The following LBX2 variants were observed in gnomAD, a reference collection of about 807,000 sequenced individuals.
LBX2 encodes transcription factor LBX2.
A neutral mutation model predicts 7.5 loss-of-function variants in LBX2; 6 were observed. That is an observed-to-expected ratio of 0.80 (90% CI 0.44 to 1.59). The LOEUF is 1.59. LBX2 is among the 40% of genes most tolerant of loss of function. The pLI, the probability that LBX2 is intolerant of heterozygous loss-of-function variation, is 0.01. For missense variants in LBX2, 281 were observed against 282.0 expected (o/e 1.00, Z 0.03); for synonymous variants, 143 against 133.2 (o/e 1.07, Z -0.51).
chr2:74,498,220 G>T lies in LBX2; in HGVS notation c.304C>A (p.Arg102=), dbSNP rs1186658151. ...AGGTACTTCTGGAAGACGAAGCGCC[G>T]CTCCAGCTCCAGCACCTGTTGCGCG... ...FTAQQVLELE[R]RFVFQKYLAP... Residue 102 remains arginine (R), a synonymous_variant, in exon 2 of 2, where the codon CGG becomes AGG. Transcript: ENST00000377566. 5 of 1,608,802 alleles carry T rather than the reference G, an allele frequency of 3.1e-6. No individual in the cohort carries two copies. Among genetic ancestry groups the T allele is most frequent in the African/African-American group, 2.7e-5 (2 of 74,932 alleles).
At chr2:74,502,662 G>A, upstream of LBX2, 1 of 1,613,600 alleles carries the variant, frequency 6.2e-7, no homozygotes, top group Non-Finnish European at 8.5e-7. This position sits in a 1 kb window ranked among gnomAD's most constrained non-coding sequence, Gnocchi z 5.4. Flanking sequence ...TCTTAGTTTC[G>A]TGACTTTGGG....
chr2:74,500,144 G>C (rs1674454128), upstream of LBX2, among the ~76,000 whole-genome samples: 1 of 152,168 alleles, frequency 6.6e-6, no homozygotes, highest in South Asian at 2.1e-4. Flanking sequence ...CAACACTTGG[G>C]AGGACCTGGC....
At chr2:74,502,676 G>A (rs566848831), upstream of LBX2, 5 of 1,614,006 alleles carry the variant, frequency 3.1e-6, no homozygotes, top group East Asian at 6.7e-5. This position sits in a 1 kb window ranked among gnomAD's most constrained non-coding sequence, Gnocchi z 5.4. Flanking sequence ...CTTTGGGGGC[G>A]GCAGGCCTGT....
At chr2:74,499,607 C>G, upstream of LBX2, 1 of 1,467,566 alleles carries the variant, frequency 6.8e-7, no homozygotes, top group Non-Finnish European at 9.1e-7. The surrounding 1 kb of genome is among the most constrained non-coding windows in gnomAD (Gnocchi z 4.6). Context: ...CCCCAGTGCT[C>G]GGCTCCCAAT....
rs1223856110 is a variant in LBX2, at chr2:74,497,616, G to T, written c.*311C>A. On this transcript the variant is annotated 3_prime_UTR_variant, in exon 2 of 2. Transcript: ENST00000377566. ...AAAAAAAAGTTTTTTAAATTAGCCT[G>T]GGGTGGTGCTGCACGCCTGTAATGC... The T allele has an allele frequency of 3.2e-6, 1 of 313,060 alleles. No homozygotes were observed. The highest frequency in any genetic ancestry group is 5.8e-6 in the Non-Finnish European group (1 of 172,028). The allele number at this position is 313,060 out of a possible 1,614,324, so 19.4% of individuals were successfully genotyped here.
chr2:74,499,397 C>A lies in LBX2; in HGVS notation c.141G>T (p.Ala47=), dbSNP rs958746287. The change falls in exon 1 of 2, where the codon GCG becomes GCT. Residue 47 remains alanine (A), a synonymous_variant. Transcript: ENST00000377566. This position sits in a 1 kb window ranked among gnomAD's most constrained non-coding sequence, Gnocchi z 4.6. ...SGPGPTSPLC[A]LEELTSKTFR... ...AAGTTTTACTAGTCAGCTCCTCCAG[C>A]GCGCACAGCGGCGACGTTGGACCCG... 1.9e-6 allele frequency: 3 copies of A among 1,550,516 alleles called. No homozygotes were observed. The Admixed American group carries it at 5.9e-5, about 30-fold the overall frequency.
chr2:74,498,867 G>C (rs1234011686), intron 1 of LBX2: 4 of 202,848 alleles, frequency 2.0e-5, no homozygotes, highest in Non-Finnish European at 3.0e-5. Flanking sequence ...GGAATCCCGC[G>C]CCCAGTGCTG....
chr2:74,499,105 T>C lies in LBX2; in HGVS notation c.205+228A>G. 1.7e-6 allele frequency: 1 copy of C among 593,080 alleles called. No homozygotes were observed. The highest frequency in any genetic ancestry group is 3.0e-6 in the Non-Finnish European group (1 of 332,630). The allele number at this position is 593,080 out of a possible 1,614,324, so 36.7% of individuals were successfully genotyped here. A position where few individuals can be genotyped will look rare whatever the true frequency, so the allele number is the denominator to read the frequency against. ...CAACAGGTCGCTCAGTTGGCGACGG[T>C]CTGCCCTTTTCCCTTGGCACTGGCG... is the stretch of plus-strand genomic sequence containing the variant. On this transcript the variant is annotated intron_variant, in intron 1 of 1. Transcript: ENST00000377566. The surrounding 1 kb of genome is among the most constrained non-coding windows in gnomAD (Gnocchi z 4.6).
At position 74,498,331 on chromosome 2, in the gene LBX2, G is replaced by T; in HGVS notation, c.206-13C>A. 6.7e-7 allele frequency: 1 copy of T among 1,495,660 alleles called. No homozygotes were observed. The highest frequency in any genetic ancestry group is 8.9e-7 in the Non-Finnish European group (1 of 1,127,334). The allele number at this position is 1,495,660 out of a possible 1,614,324, so 92.6% of individuals were successfully genotyped here. A position where few individuals can be genotyped will look rare whatever the true frequency, so the allele number is the denominator to read the frequency against. ...GGACCTGCCCGCCCTGTAGGGATAG[G>T]GAGGGGGTCAGTTTCCAGCCTCCGG... is the stretch of plus-strand genomic sequence containing the variant. On this transcript the variant is annotated splice_polypyrimidine_tract_variant and intron_variant, in intron 1 of 1. Coordinates refer to ENST00000377566, the MANE Select transcript of LBX2 (RefSeq NM_001282430.2).
rs1308912233 is a variant in LBX2 at position 74,499,396 on chromosome 2, G to T, written c.142C>A (p.Leu48Met). The T allele has an allele frequency of 1.9e-6, 3 of 1,550,658 alleles. No individual in the cohort carries two copies. Among genetic ancestry groups the T allele is most frequent in the Non-Finnish European group, 2.6e-6 (3 of 1,147,004 alleles). The change falls in exon 1 of 2, where the codon CTG (leucine) becomes ATG (methionine). Residue 48 changes from leucine to methionine, a missense_variant. Leu to Met is a conservative substitution (Grantham distance 15). This residue lies in a region of LBX2 where 216 missense variants were observed against 208.7 expected (regional missense o/e 1.03). Coordinates refer to ENST00000377566, the MANE Select transcript of LBX2 (RefSeq NM_001282430.2). The surrounding 1 kb of genome is among the most constrained non-coding windows in gnomAD (Gnocchi z 4.6). ...GPGPTSPLCA[L>M]EELTSKTFRG... Reference sequence around the variant, plus strand: ...AAAGTTTTACTAGTCAGCTCCTCCAGCGCGCACAGCGGCGACGTTGGACCC... The same window carrying T: ...AAAGTTTTACTAGTCAGCTCCTCCATCGCGCACAGCGGCGACGTTGGACCC...
rs140927750 is a variant in LBX2, at chr2:74,498,158, G to A, written c.366C>T (p.Leu122=). The part of the protein sequence containing the change: ...PSERDGLATR[L]GLANAQVVTW... ...TGACCACCTGCGCGTTGGCCAGGCC[G>A]AGTCGCGTAGCTAGCCCGTCTCGCT... The change falls in exon 2 of 2, where the codon CTC becomes CTT. Residue 122 remains leucine (L), a synonymous_variant. Transcript: ENST00000377566. 1 of 1,612,438 alleles carries A rather than the reference G, an allele frequency of 6.2e-7. No individual in the cohort carries two copies. The highest frequency in any genetic ancestry group is 8.5e-7 in the Non-Finnish European group (1 of 1,179,266).
Position 74,498,262 on chromosome 2 carries a change from A to G in LBX2, c.262T>C (p.Ser88Pro), listed in dbSNP as rs763001378. ...PGPFGRKRRK[S>P]RTAFTAQQVL... ...TGTTGCGCGGTGAACGCAGTGCGTG[A>G]CTTGCGCCGTTTGCGGCCGAAGGGA... is the stretch of plus-strand genomic sequence containing the variant. The change falls in exon 2 of 2, where the codon TCA becomes CCA. Residue 88 changes from serine (S) to proline (P), a missense_variant. Ser to Pro is a moderately conservative substitution (Grantham distance 74). Around this residue, in one of 3 missense-constraint regions of LBX2, gnomAD observed 216 missense variants for 208.7 expected, o/e 1.03. Transcript: ENST00000377566. 6 of 1,593,416 alleles carry G rather than the reference A, an allele frequency of 3.8e-6. No individual in the cohort carries two copies. The South Asian group carries it at 5.6e-5, about 15-fold the overall frequency.
upstream of LBX2, chr2:74,502,571 G>T (rs549898041): frequency 1.6e-6 from 2 of 1,253,992 alleles, no homozygotes; most frequent in African/African-American, 1.5e-5. The surrounding 1 kb of genome is among the most constrained non-coding windows in gnomAD (Gnocchi z 5.4). Flanking sequence ...AGCGTGAGGC[G>T]GGGCTTCCGT....
chr2:74,502,353 C>T (rs1674501256), upstream of LBX2: 4 of 400,552 alleles, frequency 1.0e-5, no homozygotes, highest in Admixed American at 1.3e-4. This position sits in a 1 kb window ranked among gnomAD's most constrained non-coding sequence, Gnocchi z 5.4. Context: ...AATAAACGAC[C>T]TTTAGTCTCG....
rs1317125799 is a variant in LBX2 at position 74,497,887 on chromosome 2, T to TCCAGGGCC, written c.*32_*39dup. On this transcript the variant is annotated 3_prime_UTR_variant, in exon 2 of 2. Coordinates refer to ENST00000377566, the MANE Select transcript of LBX2 (RefSeq NM_001282430.2). ...CAGAGGCAGAGCGCGAGGTGAGGAG[T>TCCAGGGCC]CCAGGGCCCCAGAGCCCAGGATTGG... is the stretch of plus-strand genomic sequence containing the variant. 4.0e-6 allele frequency: 6 copies of TCCAGGGCC among 1,499,822 alleles called. No individual in the cohort carries two copies. Among genetic ancestry groups the TCCAGGGCC allele is most frequent in the African/African-American group, 1.4e-5 (1 of 71,108 alleles). The allele number at this position is 1,499,822 out of a possible 1,614,324, so 92.9% of individuals were successfully genotyped here.
chr2:74,499,655 C>T (rs1674444063), upstream of LBX2: 1 of 1,113,590 alleles, frequency 9.0e-7, no homozygotes, highest in Non-Finnish European at 1.3e-6. This position sits in a 1 kb window ranked among gnomAD's most constrained non-coding sequence, Gnocchi z 4.6. Flanking sequence ...CGGCTCTGGG[C>T]CCGAGTCCCG....
chr2:74,499,709 G>T (rs1170776844), upstream of LBX2: 2 of 661,176 alleles, frequency 3.0e-6, no homozygotes, highest in South Asian at 1.9e-5. This position sits in a 1 kb window ranked among gnomAD's most constrained non-coding sequence, Gnocchi z 4.6. Context: ...CCCGGGCCGC[G>T]GTGGATCTGG....
chr2:74,503,143 C>A (rs1674534571), upstream of LBX2: 1 of 405,158 alleles, frequency 2.5e-6, no homozygotes, highest in Non-Finnish European at 4.4e-6. The surrounding 1 kb of genome is among the most constrained non-coding windows in gnomAD (Gnocchi z 5.1). Context: ...CGGGCGCGTT[C>A]TCAGTCGCGC....
Position 74,499,545 on chromosome 2 carries a change from C to T in LBX2, c.-8G>A. The T allele has an allele frequency of 3.2e-6, 5 of 1,543,192 alleles. No homozygotes were observed. The highest frequency in any genetic ancestry group is 4.4e-6 in the Non-Finnish European group (5 of 1,142,284). On this transcript the variant is annotated 5_prime_UTR_variant, in exon 1 of 2. Coordinates refer to ENST00000377566, the MANE Select transcript of LBX2 (RefSeq NM_001282430.2). This position sits in a 1 kb window ranked among gnomAD's most constrained non-coding sequence, Gnocchi z 4.6. ...CTCGCGTCCCGAGTTCATGGTCGGC[C>T]GGGCTGGGGCGGTCCGGCTGTCCGT... is the stretch of plus-strand genomic sequence containing the variant.
Sources: allele counts gnomAD v4.1 joint callset (sites outside exome capture counted in the v4.1 genomes callset), GRCh38; gene constraint gnomAD v4.1.1; regional missense constraint gnomAD v4.1.1; non-coding constraint Gnocchi (gnomAD v3.1); transcripts MANE v1.5; gene names NCBI Gene and HGNC (gene_info 2026-07-23, HGNC 2026-07-21).